RCL1: variants seen among roughly 807,000 people sequenced by gnomAD.
RCL1 encodes RNA 3'-terminal phosphate cyclase-like protein.
Under a neutral mutation model 42.4 loss-of-function variants are expected in RCL1, and 24 were observed. That is an observed-to-expected ratio of 0.57 (90% CI 0.41 to 0.80). The LOEUF is 0.80. Ranked by LOEUF, RCL1 falls within the 30% of genes least tolerant of loss-of-function variation. RCL1 has a pLI of 0.00. For missense variants in RCL1, 578 were observed against 467.9 expected, an observed-to-expected ratio of 1.24 and a Z score of -2.17; for synonymous variants, 228 against 177.3, an observed-to-expected ratio of 1.29 and a Z score of -2.27.
intron 3 of RCL1, among the ~76,000 whole-genome samples, chr9:4,827,844 G>C (rs907646746): frequency 1.3e-5 from 2 of 151,852 alleles, no homozygotes; most frequent in African/African-American, 4.8e-5. Context: ...TTGTAGGAAG[G>C]GGTGGATTCC....
intron 1 of RCL1, among the ~76,000 whole-genome samples, chr9:4,793,979 C>G (rs1273855423): frequency 6.6e-6 from 1 of 152,232 alleles, no homozygotes; most frequent in Admixed American, 6.5e-5. Context: ...ACCCACATCT[C>G]ATTAAATGGC....
intron 1 of RCL1, among the ~76,000 whole-genome samples, chr9:4,800,089 A>G (rs1012306821): frequency 5.3e-5 from 8 of 152,216 alleles, no homozygotes; most frequent in African/African-American, 1.9e-4. Context: ...GTTGCTGAGT[A>G]GTATTTCATG....
At chr9:4,850,310 G>T (rs570832031) in intron 8 of RCL1, 1 of 533,984 alleles carries the variant, frequency 1.9e-6, no homozygotes, top group Non-Finnish European at 3.9e-6. Flanking sequence ...GTCCTTTTTC[G>T]GTTATCATGG....
At chr9:4,848,526 C>T (rs559307964) in intron 7 of RCL1, among the ~76,000 whole-genome samples, 5 of 152,198 alleles carry the variant, frequency 3.3e-5, no homozygotes, top group Admixed American at 2.0e-4. Flanking sequence ...TGGATAGTAA[C>T]GTGCCTTGGT....
chr9:4,834,047 A>G, intron 4 of RCL1, 94 bp from the exon 5 acceptor site: 1 of 1,372,594 alleles, frequency 7.3e-7, no homozygotes, highest in Non-Finnish European at 9.9e-7. Flanking sequence ...CCTTGTAAGG[A>G]AGCATCTGCT....
chr9:4,855,287 CTTCTGA>C (rs541128698), intron 8 of RCL1, among the ~76,000 whole-genome samples: 276 of 151,930 alleles, frequency 1.8e-3, no homozygotes, highest in African/African-American at 6.4e-3. Context: ...TAGAATGGTT[CTTCTGA>C]AAAGCTGCTA....
At chr9:4,818,566 T>G (rs1816476242) in intron 1 of RCL1, among the ~76,000 whole-genome samples, 1 of 152,188 alleles carries the variant, frequency 6.6e-6, no homozygotes, top group Non-Finnish European at 1.5e-5. Flanking sequence ...CTCACTGTCT[T>G]GTCTTCTGGT....
At chr9:4,847,567 G>T (rs1454863991) in intron 7 of RCL1, among the ~76,000 whole-genome samples, 3 of 152,124 alleles carry the variant, frequency 2.0e-5, no homozygotes, top group African/African-American at 7.2e-5. Context: ...TCCACAACTG[G>T]ATTATGGCCA....
intron 1 of RCL1, among the ~76,000 whole-genome samples, chr9:4,798,105 GCTGGAAAGAGAATGTGGCCAGCTC>G (rs1842942728): frequency 1.3e-5 from 2 of 152,202 alleles, no homozygotes; most frequent in African/African-American, 4.8e-5. Flanking sequence ...GAGGGACAGA[GCTGGAAAGAGAATGTGGCCAGCTC>G]CTGCCTGAAG....
intron 1 of RCL1, among the ~76,000 whole-genome samples, chr9:4,815,645 G>T (rs919643598): frequency 2.0e-5 from 3 of 151,926 alleles, no homozygotes; most frequent in African/African-American, 7.3e-5. Context: ...ACGGGAAAAG[G>T]GGAGTTTTTG....
chr9:4,808,765 G>C (rs1187627608), intron 1 of RCL1, among the ~76,000 whole-genome samples: 2 of 152,212 alleles, frequency 1.3e-5, no homozygotes, highest in East Asian at 3.8e-4. Flanking sequence ...GCCCTTGATT[G>C]TGAAAATTAT....
chr9:4,828,822 A>G (rs574924604), intron 3 of RCL1, among the ~76,000 whole-genome samples: 1 of 152,318 alleles, frequency 6.6e-6, no homozygotes, highest in South Asian at 2.1e-4. Flanking sequence ...CAGAAATGGG[A>G]CCCAAAAAGT....
At chr9:4,841,048 A>C (rs977856560) in intron 5 of RCL1, among the ~76,000 whole-genome samples, 184 bp from the exon 6 acceptor site, 2 of 152,122 alleles carry the variant, frequency 1.3e-5, no homozygotes, top group African/African-American at 4.8e-5. Flanking sequence ...TGTTTTTGCC[A>C]TGACCTTTTA....
chr9:4,822,503 C>T (rs560605076), intron 1 of RCL1, among the ~76,000 whole-genome samples: 4 of 152,248 alleles, frequency 2.6e-5, no homozygotes, highest in South Asian at 4.2e-4. Context: ...TCCTCTCCCC[C>T]TCTCTTTCTC....
chr9:4,800,174 G>A (rs767945696), intron 1 of RCL1, among the ~76,000 whole-genome samples: 2 of 151,784 alleles, frequency 1.3e-5, no homozygotes, highest in African/African-American at 4.8e-5. Context: ...TGGCTATCTC[G>A]AATAAGGCTG....
intron 5 of RCL1, among the ~76,000 whole-genome samples, chr9:4,837,649 C>G (rs897408043): frequency 6.6e-6 from 1 of 152,006 alleles, no homozygotes; most frequent in Non-Finnish European, 1.5e-5. Context: ...ATGGTCGTGT[C>G]CTTTGATGAT....
intron 1 of RCL1, among the ~76,000 whole-genome samples, chr9:4,807,345 G>C (rs1454001288): frequency 6.6e-6 from 1 of 152,122 alleles, no homozygotes; most frequent in Admixed American, 6.6e-5. Flanking sequence ...GTGGAGCATA[G>C]ATTATTGGGA....
intron 5 of RCL1, among the ~76,000 whole-genome samples, chr9:4,834,607 G>A (rs921447870): frequency 3.3e-5 from 5 of 151,884 alleles, no homozygotes; most frequent in South Asian, 2.1e-4. Flanking sequence ...GTCATCATTC[G>A]GTGAAGGAAC....
rs185109961 is a variant in RCL1 at position 4,834,814 on chromosome 9, T to C, written c.584+549T>C. Among the ~76,000 whole-genome samples the C allele has an allele frequency of 1.7e-3, 258 of 152,346 alleles. 3 individuals carry two copies. The South Asian group carries it at 0.03, about 18-fold the overall frequency. On this transcript the variant is annotated intron_variant, in intron 5 of 8. Transcript: ENST00000381750. Reference sequence around the variant, plus strand: ...ACTTTACATGCTTTTAAGCCTCACATTGACCCTTGAGTTCACTTACATCCT... The same window carrying C: ...ACTTTACATGCTTTTAAGCCTCACACTGACCCTTGAGTTCACTTACATCCT...
Sources: gnomAD v4.1 joint callset for allele counts (sites outside exome capture counted in the v4.1 genomes callset) on GRCh38, gnomAD v4.1.1 for gene constraint, MANE v1.5 for transcripts, NCBI Gene and HGNC (gene_info 2026-07-23, HGNC 2026-07-21) for gene names.